F11R: variants seen among roughly 807,000 people sequenced by gnomAD.
F11R encodes F11 receptor, also known as junctional adhesion molecule A.
In F11R, 27 loss-of-function variants were observed where a neutral mutation model predicts 39.3. The ratio of observed to expected loss-of-function variants is 0.69; its 90% confidence interval spans 0.51 to 0.95. The LOEUF is 0.95. Among genes scored for constraint, F11R ranks in the 40% least tolerant of loss-of-function variants. The pLI is 0.00. For synonymous variants in F11R, 131 were observed against 144.9 expected, an observed-to-expected ratio of 0.90 and a Z score of 0.69; for missense variants, 335 against 372.7, an observed-to-expected ratio of 0.90 and a Z score of 0.83.
intron 1 of F11R, among the ~76,000 whole-genome samples, chr1:161,009,880 C>T (rs1269167236): frequency 6.6e-6 from 1 of 151,822 alleles, no homozygotes; most frequent in Non-Finnish European, 1.5e-5. Context: ...GAGGTGGAGG[C>T]TGCAGTGAGC....
chr1:160,998,780 G>C lies in F11R; in HGVS notation c.*91C>G. The C allele has an allele frequency of 7.7e-7, 1 of 1,296,598 alleles. No homozygotes were observed. The allele number at this position is 1,296,598 out of a possible 1,614,324, so 80.3% of individuals were successfully genotyped here. ...CCTGTGGGGTGTAGAAGACAAATAA[G>C]GCATCCTGTGAAACTACAGACATCA... is the stretch of plus-strand genomic sequence containing the variant. On this transcript the variant is annotated 3_prime_UTR_variant, in exon 10 of 10. Coordinates refer to ENST00000368026, the MANE Select transcript of F11R (RefSeq NM_016946.6).
At chr1:161,015,452 A>C (rs1649412094) in intron 1 of F11R, among the ~76,000 whole-genome samples, 1 of 142,484 alleles carries the variant, frequency 7.0e-6, no homozygotes, top group African/African-American at 2.6e-5. Context: ...ATTAGCCAAG[A>C]ATGGTGGTGC....
At position 160,995,982 on chromosome 1, in the gene F11R, A is replaced by G. The variant is rs1483401584; in HGVS notation, c.*2889T>C. The G allele has an allele frequency of 6.6e-6, 1 of 152,368 alleles. No individual in the cohort carries two copies. Among genetic ancestry groups the G allele is most frequent in the Non-Finnish European group, 1.5e-5 (1 of 68,042 alleles). The allele number at this position is 152,368 out of a possible 1,614,324, so 9.4% of individuals were successfully genotyped here. A position where few individuals can be genotyped will look rare whatever the true frequency, so the allele number is the denominator to read the frequency against. The stretch of plus-strand genomic sequence containing the variant: ...GAACTGCTCTCATTTTTTATCCCCT[A>G]AATGTCACTTTAACATAGGAAATGT... On this transcript the variant is annotated 3_prime_UTR_variant, in exon 10 of 10. Coordinates refer to ENST00000368026, the MANE Select transcript of F11R (RefSeq NM_016946.6).
chr1:161,006,922 T>C (rs1648849176), intron 1 of F11R, among the ~76,000 whole-genome samples: 1 of 152,006 alleles, frequency 6.6e-6, no homozygotes, highest in South Asian at 2.1e-4. Context: ...CCCAGCACTT[T>C]AGGAGGCGAA....
rs1359196703 is a variant in F11R, at chr1:160,998,827, C to G, written c.*44G>C. 3.1e-6 allele frequency: 5 copies of G among 1,609,104 alleles called. No homozygotes were observed. Among genetic ancestry groups the G allele is most frequent in the Non-Finnish European group, 4.3e-6 (5 of 1,175,528 alleles). On this transcript the variant is annotated 3_prime_UTR_variant, in exon 10 of 10. Transcript: ENST00000368026. The stretch of plus-strand genomic sequence containing the variant: ...ATCAGGGGCCAGAGTCCGGTAGCAC[C>G]TGAGTAAGGCAAATGCAGATGATAG...
At chr1:161,010,110 C>T (rs534988980) in intron 1 of F11R, among the ~76,000 whole-genome samples, 4 of 151,112 alleles carry the variant, frequency 2.6e-5, no homozygotes, top group South Asian at 2.1e-4. Context: ...GAAGTACTAC[C>T]GTTACCATTT....
intron 1 of F11R, among the ~76,000 whole-genome samples, chr1:161,019,791 C>A (rs920240120): frequency 1.3e-5 from 2 of 152,056 alleles, no homozygotes; most frequent in Admixed American, 6.6e-5. Context: ...AGGTTCCACC[C>A]CTAACTCTAT....
chr1:160,999,260 G>A, intron 8 of F11R, 136 bp downstream of exon 8: 1 of 1,438,416 alleles, frequency 7.0e-7, no homozygotes, highest in Non-Finnish European at 9.8e-7. Flanking sequence ...ACAGAGAAAG[G>A]GCTGGATATC....
chr1:161,002,205 T>C (rs561355480), intron 1 of F11R, among the ~76,000 whole-genome samples: 2 of 139,558 alleles, frequency 1.4e-5, no homozygotes, highest in Non-Finnish European at 3.0e-5. Context: ...GAGATTGCAG[T>C]GAGCCGAGAT....
In F11R at chr1:160,999,655, G is replaced by C; in HGVS notation, c.787C>G (p.Arg263Gly). The C allele has an allele frequency of 2.5e-6, 4 of 1,614,058 alleles. No homozygotes were observed. The highest frequency in any genetic ancestry group is 3.4e-6 in the Non-Finnish European group (4 of 1,179,964). Residue 263 changes from arginine (R) to glycine (G), a missense_variant, in exon 7 of 10, where the codon CGA (arginine) becomes GGA (glycine). By Grantham distance (125) the Arg-to-Gly change is moderately radical. Transcript: ENST00000368026. ...LVFGIWFAYS[R>G]GHFDRTKKGT... ...AGATACTTACTGTCAAAGTGGCCTC[G>C]GCTATAGGCAAACCAGATGCCAAAA... is the stretch of plus-strand genomic sequence containing the variant.
At chr1:160,999,789 TCA>T in intron 6 of F11R, 42 bp from the exon 7 acceptor site, 1 of 1,607,740 alleles carries the variant, frequency 6.2e-7, no homozygotes, top group Non-Finnish European at 8.5e-7. Flanking sequence ...GGATACTCAC[TCA>T]CGGCACCTAC....
At chr1:161,014,957 AG>A (rs1391600662) in intron 1 of F11R, among the ~76,000 whole-genome samples, 31 of 150,860 alleles carry the variant, frequency 2.1e-4, no homozygotes, top group African/African-American at 7.3e-4. Context: ...GGGTGCCTGT[AG>A]TCCCAGCTAC....
chr1:161,000,438 A>C, intron 4 of F11R, 90 bp from the exon 5 acceptor site: 1 of 1,448,970 alleles, frequency 6.9e-7, no homozygotes, highest in Non-Finnish European at 9.6e-7. Flanking sequence ...CCAACTACTC[A>C]GCTCAAGCCT....
At chr1:161,010,825 A>C (rs1352841643) in intron 1 of F11R, among the ~76,000 whole-genome samples, 1 of 151,742 alleles carries the variant, frequency 6.6e-6, no homozygotes, top group Non-Finnish European at 1.5e-5. Flanking sequence ...ATCTGTACCA[A>C]AAATATAAAA....
At chr1:161,006,153 G>C (rs959645694) in intron 1 of F11R, among the ~76,000 whole-genome samples, 1 of 151,574 alleles carries the variant, frequency 6.6e-6, no homozygotes, top group African/African-American at 2.4e-5. Flanking sequence ...AAAAAGGGGG[G>C]GGGCACTTCT....
chr1:161,019,311 C>T (rs537160865), intron 1 of F11R, among the ~76,000 whole-genome samples: 46 of 152,078 alleles, frequency 3.0e-4, no homozygotes, highest in Admixed American at 6.6e-4. Flanking sequence ...AAAAGGAAGA[C>T]ATGGCCAGCC....
intron 1 of F11R, among the ~76,000 whole-genome samples, chr1:161,017,119 A>AC (rs1319073749): frequency 1.3e-5 from 2 of 152,114 alleles, no homozygotes; most frequent in African/African-American, 4.8e-5. Context: ...ACCCAGGGAC[A>AC]AAAACACTGC....
Position 161,000,322 on chromosome 1 carries a change from T to A in F11R, c.415A>T (p.Ile139Phe). ...LVPPSKPTVN[I>F]PSSATIGNRA... The stretch of plus-strand genomic sequence containing the variant: ...TTCCCAATGGTGGCAGAGGAGGGGA[T>A]GTTAACTGTAGGCTTGGATGGAGGC... Residue 139 changes from isoleucine to phenylalanine, a missense_variant, in exon 5 of 10, where the codon ATC (isoleucine) becomes TTC (phenylalanine). Physicochemically the swap from Ile to Phe is conservative, Grantham distance 21 (BLOSUM62 0). Transcript: ENST00000368026. 6.2e-7 allele frequency: 1 copy of A among 1,613,984 alleles called. No individual in the cohort carries two copies. Among genetic ancestry groups the A allele is most frequent in the Non-Finnish European group, 8.5e-7 (1 of 1,180,012 alleles).
chr1:161,007,736 T>A, intron 1 of F11R, among the ~76,000 whole-genome samples: 1 of 152,226 alleles, frequency 6.6e-6, no homozygotes, highest in East Asian at 1.9e-4. Context: ...CACATACTTC[T>A]TTCTGACTTC....
Sources: gnomAD v4.1 joint callset for allele counts (sites outside exome capture counted in the v4.1 genomes callset) on GRCh38, gnomAD v4.1.1 for gene constraint, MANE v1.5 for transcripts, NCBI Gene and HGNC (gene_info 2026-07-23, HGNC 2026-07-21) for gene names.